Variants in SGK1 observed in about 807,000 individuals in gnomAD.
The protein encoded by SGK1 is serine/threonine-protein kinase Sgk1.
Under a neutral mutation model 64.2 loss-of-function variants are expected in SGK1, and 26 were observed. That is an observed-to-expected ratio of 0.40 (90% CI 0.30 to 0.56). The LOEUF is 0.56. SGK1 is among the 20% of genes least tolerant of loss of function. The probability of loss-of-function intolerance (pLI) is 0.38; values close to 1 mark genes in which losing one functional copy is unlikely to be tolerated. For missense variants in SGK1, 519 were observed against 645.6 expected (o/e 0.80, Z 2.12); for synonymous variants, 265 against 239.7 (o/e 1.11, Z -0.98).
intron 2 of SGK1, among the ~76,000 whole-genome samples, chr6:134,222,211 C>T (rs1466526258): frequency 6.6e-6 from 1 of 152,062 alleles, no homozygotes; most frequent in Non-Finnish European, 1.5e-5. Flanking sequence ...AGAAGCTATT[C>T]CCAACCTAGC....
At chr6:134,207,519 C>A in intron 2 of SGK1, 88 bp from the exon 3 acceptor site, 1 of 926,842 alleles carries the variant, frequency 1.1e-6, no homozygotes, top group East Asian at 2.6e-5. Flanking sequence ...GAAAGGATTC[C>A]AAGGCTGAAA....
chr6:134,283,308 T>C (rs891359794), intron 1 of SGK1: 1 of 151,564 alleles, frequency 6.6e-6, no homozygotes, highest in Non-Finnish European at 1.5e-5. Flanking sequence ...CTGGCCAACA[T>C]GGTGAAACCC....
At chr6:134,205,462 T>G (rs1396553950) in intron 3 of SGK1, among the ~76,000 whole-genome samples, 2 of 151,946 alleles carry the variant, frequency 1.3e-5, no homozygotes, top group African/African-American at 4.8e-5. Flanking sequence ...GTTTCTCACT[T>G]TCCTTCTCAA....
intron 1 of SGK1, among the ~76,000 whole-genome samples, chr6:134,299,683 TAAAA>T (rs909975422): frequency 6.6e-6 from 1 of 150,880 alleles, no homozygotes; most frequent in Non-Finnish European, 1.5e-5. Context: ...GTAAACCACT[TAAAA>T]AAAAAGATTT....
chr6:134,206,040 A>G (rs1314242867), intron 3 of SGK1, among the ~76,000 whole-genome samples: 2 of 152,046 alleles, frequency 1.3e-5, no homozygotes, highest in African/African-American at 4.8e-5. Context: ...TCTAAGCGTA[A>G]TTTCTAATCA....
chr6:134,296,859 C>G (rs1582770591), intron 1 of SGK1: 1 of 189,108 alleles, frequency 5.3e-6, no homozygotes, highest in East Asian at 1.6e-4. Context: ...CAGTAAACTT[C>G]CCCGCACGTG....
intron 1 of SGK1, among the ~76,000 whole-genome samples, chr6:134,312,970 A>C (rs764647677): frequency 2.0e-5 from 3 of 152,208 alleles, no homozygotes; most frequent in African/African-American, 4.8e-5. Context: ...ACAGGGTTTC[A>C]CCACGTTGGC....
At chr6:134,192,180 G>C (rs1562246057) in intron 3 of SGK1, among the ~76,000 whole-genome samples, 1 of 151,664 alleles carries the variant, frequency 6.6e-6, no homozygotes, top group Non-Finnish European at 1.5e-5. Flanking sequence ...GGCCGGGCTG[G>C]TCTCCAACTC....
intron 2 of SGK1, among the ~76,000 whole-genome samples, chr6:134,208,675 C>T (rs567727226): frequency 2.6e-5 from 4 of 152,086 alleles, no homozygotes; most frequent in Non-Finnish European, 5.9e-5. Context: ...ATAATGGTCT[C>T]CAATTCCATC....
chr6:134,308,055 G>T, intron 1 of SGK1, among the ~76,000 whole-genome samples: 1 of 152,122 alleles, frequency 6.6e-6, no homozygotes, highest in African/African-American at 2.4e-5. Flanking sequence ...CTTTTTTAAT[G>T]TCTTTATTTT....
At chr6:134,305,241 C>T (rs1480295618) in intron 1 of SGK1, among the ~76,000 whole-genome samples, 1 of 151,816 alleles carries the variant, frequency 6.6e-6, no homozygotes, top group East Asian at 1.9e-4. Flanking sequence ...TGCTTGTAGG[C>T]CCACCTACTC....
chr6:134,177,716 T>C, intron 3 of SGK1: 1 of 1,613,954 alleles, frequency 6.2e-7, no homozygotes, highest in Non-Finnish European at 8.5e-7. Context: ...TGCCCAAGGA[T>C]ATGCAGGTTG....
At position 134,300,926 on chromosome 6, in the gene SGK1, G is replaced by A. The variant is rs568564233; in HGVS notation, c.69+16466C>T. Among the ~76,000 whole-genome samples the A allele has an allele frequency of 2.6e-5, 4 of 152,120 alleles. No individual in the cohort carries two copies. In the South Asian group the frequency reaches 8.3e-4, roughly 32 times the overall value. Reference sequence around the variant, plus strand: ...TAGGATTACAGGCGTGAGCCACCGCGCCTGGCCAAGAAATGTATTTTGGAA... The same window carrying A: ...TAGGATTACAGGCGTGAGCCACCGCACCTGGCCAAGAAATGTATTTTGGAA... On this transcript the variant is annotated intron_variant, in intron 1 of 13. Transcript: ENST00000367858.
Position 134,262,061 on chromosome 6 carries a change from T to A in SGK1, c.157A>T (p.Ile53Phe), listed in dbSNP as rs780097878. The A allele has an allele frequency of 3.7e-6, 6 of 1,613,722 alleles. No individual in the cohort carries two copies. The highest frequency in any genetic ancestry group is 1.3e-5 in the African/African-American group (1 of 74,940). ...TCGAAGTCTGGCTCCCCTGGAGGGA[T>A]GTGCACCATGGAGGAGCCGGTGTAC... The part of the protein sequence containing the change: ...LKYTGSSMVH[I>F]PPGEPDFESS... The change falls in exon 2 of 14, where the codon ATC becomes TTC. Residue 53 changes from isoleucine (I) to phenylalanine (F), a missense_variant. Transcript: ENST00000367858.
At chr6:134,214,365 C>T (rs962125057) in intron 2 of SGK1, among the ~76,000 whole-genome samples, 1 of 152,030 alleles carries the variant, frequency 6.6e-6, no homozygotes, top group Non-Finnish European at 1.5e-5. Flanking sequence ...CCGAGGCAGG[C>T]GGATCAACTG....
chr6:134,285,457 G>A (rs1049663381), intron 1 of SGK1, among the ~76,000 whole-genome samples: 4 of 141,282 alleles, frequency 2.8e-5, no homozygotes, highest in South Asian at 2.2e-4. Context: ...CAGCCTGGGC[G>A]ACAGAGTGAG....
intron 3 of SGK1, among the ~76,000 whole-genome samples, chr6:134,196,125 T>G (rs116800243): frequency 0.022 from 3,285 of 152,314 alleles, 130 homozygotes; most frequent in African/African-American, 0.075. Flanking sequence ...CTATTTCATT[T>G]TTGCATGTAT....
At chr6:134,313,768 G>A (rs1461516728) in intron 1 of SGK1, among the ~76,000 whole-genome samples, 2 of 152,128 alleles carry the variant, frequency 1.3e-5, no homozygotes, top group Non-Finnish European at 2.9e-5. Flanking sequence ...CATGGCTATG[G>A]AAGTTTTTTT....
chr6:134,185,670 AGAG>A lies in SGK1; in HGVS notation c.362-11087_362-11085del, dbSNP rs374161925. Among the ~76,000 whole-genome samples the A allele has an allele frequency of 2.7e-3, 413 of 151,982 alleles. 2 individuals carry two copies. The highest frequency in any genetic ancestry group is 9.1e-3 in the African/African-American group (376 of 41,456). Reference sequence around the variant, plus strand: ...AGAGATGGAGAAAGAGAAAGAGAAGAGAGGAGATTTATTAGGGGAATTGGCTCA... The same window carrying A: ...AGAGATGGAGAAAGAGAAAGAGAAGAGAGATTTATTAGGGGAATTGGCTCA... On this transcript the variant is annotated intron_variant, in intron 3 of 13. Transcript: ENST00000367858.
Sources: allele counts gnomAD v4.1 joint callset (sites outside exome capture counted in the v4.1 genomes callset), GRCh38; gene constraint gnomAD v4.1.1; transcripts MANE v1.5; gene names NCBI Gene and HGNC (gene_info 2026-07-23, HGNC 2026-07-21).